The following GPX3 variants were observed in gnomAD, a reference collection of about 807,000 sequenced individuals.
The protein encoded by GPX3 is glutathione peroxidase 3, also known as GPx-3.
A neutral mutation model predicts 25.1 loss-of-function variants in GPX3; 22 were observed. The ratio of observed to expected loss-of-function variants is 0.88; its 90% CI spans 0.63 to 1.25. The LOEUF (loss-of-function observed/expected upper bound fraction) is 1.25, where lower values mean the gene tolerates loss of function less well. Among genes scored for constraint, GPX3 ranks in the 50% most tolerant of loss-of-function variants. The pLI, the probability that GPX3 is intolerant of heterozygous loss-of-function variation, is 0.00. For synonymous variants in GPX3, 110 were observed against 114.5 expected, an observed-to-expected ratio of 0.96 and a Z score of 0.25; for missense variants, 278 against 286.6, an observed-to-expected ratio of 0.97 and a Z score of 0.22.
intron 1 of GPX3, among the ~76,000 whole-genome samples, chr5:151,024,548 C>T (rs1756519556): frequency 6.6e-6 from 1 of 152,198 alleles, no homozygotes; most frequent in African/African-American, 2.4e-5. Context: ...GGACATGGAG[C>T]CCAGGTCTCC....
Position 151,025,455 on chromosome 5 carries a change from A to T in GPX3, c.203A>T (p.Asn68Ile). ...GCTGGCAAATACGTCCTCTTTGTCA[A>T]CGTGGCCAGCTACTGAGGCCTGACG... is the stretch of plus-strand genomic sequence containing the variant. Reference protein sequence around the residue: ...QYAGKYVLFVNVASYUGLTGQ... With the variant: ...QYAGKYVLFVIVASYUGLTGQ... Residue 68 changes from asparagine to isoleucine, a missense_variant, in exon 2 of 5, where the codon AAC becomes ATC. Coordinates refer to ENST00000388825, the MANE Select transcript of GPX3 (RefSeq NM_002084.5). The T allele has an allele frequency of 1.2e-6, 2 of 1,612,422 alleles. No homozygotes were observed. Among genetic ancestry groups the T allele is most frequent in the Non-Finnish European group, 1.7e-6 (2 of 1,179,258 alleles).
intron 1 of GPX3, among the ~76,000 whole-genome samples, chr5:151,022,658 C>T (rs372695399): frequency 6.6e-6 from 1 of 152,168 alleles, no homozygotes; most frequent in Non-Finnish European, 1.5e-5. Flanking sequence ...GGGAAGAGAC[C>T]AGGTCCTCCT....
chr5:151,026,740 C>A, intron 2 of GPX3, 160 bp from the exon 3 acceptor site: 1 of 612,592 alleles, frequency 1.6e-6, no homozygotes. Context: ...GACCTGAGTC[C>A]CAGCATTGCT....
Position 151,024,073 on chromosome 5 carries a change from G to A in GPX3, c.88-1267G>A, listed in dbSNP as rs961253746. ...TTCTCCAGAATTGAGGGGAAGAGAG[G>A]GAGTGAATTTGCTTCTCTAACTCCA... On this transcript the variant is annotated intron_variant, in intron 1 of 4. Coordinates refer to ENST00000388825, the MANE Select transcript of GPX3 (RefSeq NM_002084.5). Among the ~76,000 whole-genome samples the A allele has an allele frequency of 6.6e-5, 10 of 152,178 alleles. No homozygotes were observed. In the South Asian group the frequency reaches 1.2e-3, roughly 19 times the overall value.
In GPX3 at chr5:151,028,332, C is replaced by G. The variant is rs1756594032; in HGVS notation, c.*202C>G. The G allele has an allele frequency of 1.7e-6, 1 of 587,430 alleles. No homozygotes were observed. Among genetic ancestry groups the G allele is most frequent in the Middle Eastern group, 2.9e-4 (1 of 3,434 alleles). The allele number at this position is 587,430 out of a possible 1,614,324, so 36.4% of individuals were successfully genotyped here. A position where few individuals can be genotyped will look rare whatever the true frequency, so the allele number is the denominator to read the frequency against. The stretch of plus-strand genomic sequence containing the variant: ...GTGCATGTGGGTGTTTACACACATG[C>G]CTACAGGTATGCGTGATTGTGTGTG... On this transcript the variant is annotated 3_prime_UTR_variant, in exon 5 of 5. Coordinates refer to ENST00000388825, the MANE Select transcript of GPX3 (RefSeq NM_002084.5).
chr5:151,028,141 T>C lies in GPX3; in HGVS notation c.*11T>C, dbSNP rs1000129515. Reference sequence around the variant, plus strand: ...GTCAAGAGGAAGTAACTGAAGGCCGTCTCATCCCATGTCCACCATGTAGGG... The same window carrying C: ...GTCAAGAGGAAGTAACTGAAGGCCGCCTCATCCCATGTCCACCATGTAGGG... On this transcript the variant is annotated 3_prime_UTR_variant, in exon 5 of 5. Coordinates refer to ENST00000388825, the MANE Select transcript of GPX3 (RefSeq NM_002084.5). The C allele has an allele frequency of 1.9e-6, 3 of 1,554,144 alleles. No homozygotes were observed. The highest frequency in any genetic ancestry group is 1.7e-4 in the Middle Eastern group (1 of 6,010).
intron 4 of GPX3, 81 bp downstream of exon 4, chr5:151,027,612 C>G (rs1046477779): frequency 1.1e-6 from 1 of 895,694 alleles, no homozygotes; most frequent in African/African-American, 1.7e-5. Flanking sequence ...CATGCCACCT[C>G]CCCTGCTCCT....
At chr5:151,026,152 GT>G (rs1462919259) in intron 2 of GPX3, among the ~76,000 whole-genome samples, 1 of 152,148 alleles carries the variant, frequency 6.6e-6, no homozygotes, top group Non-Finnish European at 1.5e-5. Flanking sequence ...CCTAGCTGGG[GT>G]AGAATACAGA....
chr5:151,020,625 A>G lies in GPX3; in HGVS notation c.-30A>G, dbSNP rs1046871735. 2 of 1,579,334 alleles carry G rather than the reference A, an allele frequency of 1.3e-6. No individual in the cohort carries two copies. The highest frequency in any genetic ancestry group is 1.7e-6 in the Non-Finnish European group (2 of 1,161,830). ...GTGGCCAGGGATCAGGCAGCGGCTC[A>G]GGCGACCCTGAGTGTGCCCCCACCC... On this transcript the variant is annotated 5_prime_UTR_variant, in exon 1 of 5. Transcript: ENST00000388825.
At chr5:151,022,384 G>A (rs1756490220) in intron 1 of GPX3, among the ~76,000 whole-genome samples, 1 of 152,204 alleles carries the variant, frequency 6.6e-6, no homozygotes, top group South Asian at 2.1e-4. Context: ...GGATGGTCTA[G>A]AAAAGTTTTA....
At position 151,027,519 on chromosome 5, in the gene GPX3, C is replaced by T. The variant is rs771583068; in HGVS notation, c.447C>T (p.Tyr149=). Residue 149 remains tyrosine, a synonymous_variant, in exon 4 of 5, where the codon TAC becomes TAT. Coordinates refer to ENST00000388825, the MANE Select transcript of GPX3 (RefSeq NM_002084.5). ...ATGGAGAGAAAGAGCAGAAATTCTA[C>T]ACTTTCCTAAAGGTAAGTGAGCTGC... ...DVNGEKEQKF[Y]TFLKNSCPPT... The T allele has an allele frequency of 5.0e-6, 8 of 1,608,940 alleles. No individual in the cohort carries two copies. The highest frequency in any genetic ancestry group is 1.1e-5 in the South Asian group (1 of 91,000).
chr5:151,025,713 T>A (rs1037542447), intron 2 of GPX3, among the ~76,000 whole-genome samples: 1 of 152,226 alleles, frequency 6.6e-6, no homozygotes, highest in Non-Finnish European at 1.5e-5. Context: ...GTTATCCTTC[T>A]TCATCTCTGG....
intron 2 of GPX3, among the ~76,000 whole-genome samples, chr5:151,026,024 A>G (rs76953069): frequency 0.025 from 3,835 of 152,308 alleles, 203 homozygotes; most frequent in African/African-American, 0.088. Flanking sequence ...CAATCTACAC[A>G]TGGGAAACCA....
In GPX3 at chr5:151,028,094, G is replaced by A. The variant is rs1162137338; in HGVS notation, c.645G>A (p.Met215Ile). 5.6e-6 allele frequency: 9 copies of A among 1,597,494 alleles called. No individual in the cohort carries two copies. Among genetic ancestry groups the A allele is most frequent in the Non-Finnish European group, 7.7e-6 (9 of 1,171,580 alleles). The change falls in exon 5 of 5, where the codon ATG becomes ATA. Residue 215 changes from methionine to isoleucine, a missense_variant. Coordinates refer to ENST00000388825, the MANE Select transcript of GPX3 (RefSeq NM_002084.5). ...SNVKMDILSY[M>I]RRQAALGVKR... ...TCAAGATGGACATCCTGTCCTACAT[G>A]AGGCGGCAGGCAGCCCTGGGGGTCA...
intron 1 of GPX3, among the ~76,000 whole-genome samples, chr5:151,023,175 T>C (rs1756501243): frequency 6.6e-6 from 1 of 152,116 alleles, no homozygotes; most frequent in African/African-American, 2.4e-5. Flanking sequence ...CTCTGGCCAC[T>C]GTTTCAGATG....
At position 151,020,725 on chromosome 5, in the gene GPX3, G is replaced by T. The variant is rs1581696933; in HGVS notation, c.71G>T (p.Gly24Val). 1 of 1,612,072 alleles carries T rather than the reference G, an allele frequency of 6.2e-7. No individual in the cohort carries two copies. The highest frequency in any genetic ancestry group is 8.5e-7 in the Non-Finnish European group (1 of 1,179,488). Residue 24 changes from glycine (G) to valine (V), a missense_variant, in exon 1 of 5, where the codon GGA becomes GTA. Transcript: ENST00000388825. The stretch of plus-strand genomic sequence containing the variant: ...GCCGGCTTCGTCTCGCAGAGCCGGG[G>T]ACAAGAGAAGTCGAAGGTGAGTGAG... Reference protein sequence around the residue: ...LLAGFVSQSRGQEKSKMDCHG... With the variant: ...LLAGFVSQSRVQEKSKMDCHG...
At chr5:151,027,090 G>C (rs1385659363) in intron 3 of GPX3, 73 bp downstream of exon 3, 1 of 990,442 alleles carries the variant, frequency 1.0e-6, no homozygotes, top group Admixed American at 1.9e-5. Context: ...CCCAAATCAT[G>C]GTGGACATTT....
intron 1 of GPX3, 132 bp downstream of exon 1, chr5:151,020,873 A>C (rs1756463996): frequency 1.1e-6 from 1 of 882,228 alleles, no homozygotes; most frequent in Non-Finnish European, 1.8e-6. Context: ...GACCTCCTGA[A>C]CCCCTTTTGC....
intron 1 of GPX3, 65 bp from the exon 2 acceptor site, chr5:151,025,275 T>C: frequency 1.5e-6 from 2 of 1,350,250 alleles, no homozygotes; most frequent in Non-Finnish European, 2.0e-6. Context: ...TTTCATTCTT[T>C]TGAAAACGGA....
Sources: allele counts gnomAD v4.1 joint callset (sites outside exome capture counted in the v4.1 genomes callset), GRCh38; gene constraint gnomAD v4.1.1; transcripts MANE v1.5; gene names NCBI Gene and HGNC (gene_info 2026-07-23, HGNC 2026-07-21).